The following ADGRG1 variants were observed in gnomAD, a reference collection of about 807,000 sequenced individuals.
The protein encoded by ADGRG1 is adhesion G protein-coupled receptor G1.
Under a neutral mutation model 73.5 loss-of-function variants are expected in ADGRG1, and 53 were observed. The ratio of observed to expected loss-of-function variants is 0.72; its 90% CI spans 0.58 to 0.91. The LOEUF is 0.91. Ranked by LOEUF, ADGRG1 falls within the 40% of genes least tolerant of loss-of-function variation. The probability of loss-of-function intolerance (pLI) is 0.00; values close to 1 mark genes in which losing one functional copy is unlikely to be tolerated. For missense variants in ADGRG1, 795 were observed against 871.8 expected (o/e 0.91, Z 1.11); for synonymous variants, 394 against 374.4 (o/e 1.05, Z -0.60).
intron 1 of ADGRG1, among the ~76,000 whole-genome samples, chr16:57,644,568 T>G (rs527447813): frequency 1.0e-4 from 14 of 135,630 alleles, no homozygotes; most frequent in African/African-American, 3.4e-4. Context: ...CGGACACTTA[T>G]GCACAAGCAC....
At chr16:57,650,374 T>G (rs2148186125) in intron 2 of ADGRG1, 23 bp downstream of exon 2, 3 of 1,607,656 alleles carry the variant, frequency 1.9e-6, no homozygotes, top group Non-Finnish European at 2.6e-6. Context: ...AGGGGTGCCC[T>G]GGGCTGTTGG....
chr16:57,653,952 C>T (rs556836476), intron 4 of ADGRG1, 34 bp from the exon 5 acceptor site: 1 of 1,613,182 alleles, frequency 6.2e-7, no homozygotes, highest in Non-Finnish European at 8.5e-7. Context: ...CGGCCCCCTC[C>T]CCACCATCAC....
upstream of ADGRG1, chr16:57,626,860 CA>C (rs1248106612): frequency 3.1e-6 from 3 of 976,578 alleles, no homozygotes; most frequent in African/African-American, 1.8e-5. Context: ...ATGTCAGGGA[CA>C]ACCCATCCTC....
chr16:57,660,617 C>A, intron 11 of ADGRG1, 151 bp from the exon 12 acceptor site: 11 of 1,501,110 alleles, frequency 7.3e-6, no homozygotes, highest in Non-Finnish European at 9.9e-6. Context: ...AGGGTCCAAA[C>A]TTGGGGGAAC....
At chr16:57,657,330 TGG>T (rs769931300) in intron 9 of ADGRG1, 41 bp from the exon 10 acceptor site, 1 of 1,613,126 alleles carries the variant, frequency 6.2e-7, no homozygotes, top group Admixed American at 1.7e-5. Flanking sequence ...CCAGGTTGTG[TGG>T]GGGACACAGA....
At position 57,651,641 on chromosome 16, in the gene ADGRG1, G is replaced by A. The variant is rs202130174; in HGVS notation, c.487+19G>A. 1.1e-5 allele frequency: 17 copies of A among 1,610,260 alleles called. No individual in the cohort carries two copies. In the East Asian group the frequency reaches 1.3e-4, roughly 13 times the overall value. ...TTCCACAGTAAGGCAACTTCCAGGC[G>A]GAGGGAACAACTGGGCAGTGGTCTA... is the stretch of plus-strand genomic sequence containing the variant. On this transcript the variant is annotated intron_variant, in intron 3 of 13. Coordinates refer to ENST00000562631, the MANE Select transcript of ADGRG1 (RefSeq NM_201525.4).
At chr16:57,626,614 A>C, upstream of ADGRG1, 1 of 985,448 alleles carries the variant, frequency 1.0e-6, no homozygotes, top group Non-Finnish European at 1.2e-6. Context: ...CTATGTGGCC[A>C]GAGTGGCAGC....
In ADGRG1 at chr16:57,665,295, T is replaced by C. The variant is rs1309900405; in HGVS notation, c.*1713T>C. On this transcript the variant is annotated 3_prime_UTR_variant, in exon 14 of 14. Coordinates refer to ENST00000562631, the MANE Select transcript of ADGRG1 (RefSeq NM_201525.4). Reference sequence around the variant, plus strand: ...GGCGAACTGGAGACTCCCAACCCCATGCTGAGAGCGTGGCTGCTCATCAGC... The same window carrying C: ...GGCGAACTGGAGACTCCCAACCCCACGCTGAGAGCGTGGCTGCTCATCAGC... 6.6e-6 allele frequency: 1 copy of C among 152,258 alleles called. No individual in the cohort carries two copies. Among genetic ancestry groups the C allele is most frequent in the African/African-American group, 2.4e-5 (1 of 41,446 alleles). 9.4% of individuals were successfully genotyped at this position (152,258 alleles called of 1,614,324 possible).
upstream of ADGRG1, chr16:57,626,895 C>A (rs1244849098): frequency 1.0e-6 from 1 of 984,698 alleles, no homozygotes; most frequent in African/African-American, 1.7e-5. Context: ...ACTTGTCCTC[C>A]CTTGTTAGTG....
chr16:57,656,073 G>T, intron 7 of ADGRG1, 81 bp downstream of exon 7: 1 of 1,613,518 alleles, frequency 6.2e-7, no homozygotes, highest in Non-Finnish European at 8.5e-7. Context: ...AGACTCATTT[G>T]TCTTTATAAT....
intron 1 of ADGRG1, among the ~76,000 whole-genome samples, chr16:57,645,755 C>T (rs2042470711): frequency 6.6e-6 from 1 of 152,152 alleles, no homozygotes; most frequent in Admixed American, 6.5e-5. Flanking sequence ...CAGCTCACTC[C>T]CAGAGGAAGG....
At chr16:57,627,901 G>T (rs1282223946), upstream of ADGRG1, 3 of 969,840 alleles carry the variant, frequency 3.1e-6, no homozygotes, top group Non-Finnish European at 3.7e-6. Context: ...AGCTTTTGGG[G>T]CCACTGGGAA....
intron 1 of ADGRG1, among the ~76,000 whole-genome samples, chr16:57,637,986 C>G (rs1265976152): frequency 6.6e-6 from 1 of 152,206 alleles, no homozygotes; most frequent in Non-Finnish European, 1.5e-5. Flanking sequence ...CCGAAAACCT[C>G]GGTGGGGGTT....
At chr16:57,650,572 T>TG (rs2043800976) in intron 2 of ADGRG1, 1 of 229,190 alleles carries the variant, frequency 4.4e-6, no homozygotes, top group Non-Finnish European at 7.2e-6. Context: ...CTGGCCCCAC[T>TG]CACCTCTGCA....
chr16:57,662,987 C>T (rs921137477), intron 13 of ADGRG1: 2 of 985,108 alleles, frequency 2.0e-6, no homozygotes, highest in Non-Finnish European at 2.4e-6. Flanking sequence ...GCCTTCATTC[C>T]TGCCTGTGAG....
Position 57,636,480 on chromosome 16 carries a change from C to T in ADGRG1, c.-36+7678C>T, listed in dbSNP as rs555853440. ...GGGAACCGTTCTCTGGCCAAGCAGC[C>T]GGCAGAGGTGTGTGTGCTCCTGATC... On this transcript the variant is annotated intron_variant, in intron 1 of 13. Transcript: ENST00000562631. The T allele has an allele frequency of 5.1e-4, 504 of 985,248 alleles. 1 individual carries two copies. The highest frequency in any genetic ancestry group is 3.7e-3 in the Middle Eastern group (7 of 1,914). 61.0% of individuals were successfully genotyped at this position (985,248 alleles called of 1,614,324 possible).
At chr16:57,632,890 G>C in intron 1 of ADGRG1, 2 of 985,486 alleles carry the variant, frequency 2.0e-6, no homozygotes, top group Non-Finnish European at 2.4e-6. Context: ...GGCCTGAAAA[G>C]TTCTGCGGTG....
At chr16:57,628,881 T>C in intron 1 of ADGRG1, 79 bp downstream of exon 1, 1 of 882,668 alleles carries the variant, frequency 1.1e-6, no homozygotes, top group African/African-American at 2.0e-5. Flanking sequence ...AGCGTGAGTG[T>C]GTGAGAGTGT....
intron 1 of ADGRG1, chr16:57,634,888 G>T: frequency 1.2e-6 from 1 of 848,502 alleles, no homozygotes; most frequent in Non-Finnish European, 1.4e-6. Context: ...GGCAGGTGGT[G>T]CCTCTATCTA....
Sources: gnomAD v4.1 joint callset for allele counts (sites outside exome capture counted in the v4.1 genomes callset) on GRCh38, gnomAD v4.1.1 for gene constraint, MANE v1.5 for transcripts, NCBI Gene and HGNC (gene_info 2026-07-23, HGNC 2026-07-21) for gene names.